The following ADGRA3 variants were observed in gnomAD, a reference collection of about 807,000 sequenced individuals.
The protein encoded by ADGRA3 is G-protein coupled receptor 125.
In ADGRA3, 56 loss-of-function variants were observed where a neutral mutation model predicts 119.8. The ratio of observed to expected loss-of-function variants is 0.47; its 90% CI spans 0.38 to 0.58. The LOEUF (loss-of-function observed/expected upper bound fraction) is 0.58, where lower values mean the gene tolerates loss of function less well. Ranked by LOEUF, ADGRA3 falls within the 20% of genes least tolerant of loss-of-function variation. ADGRA3 has a pLI of 0.00. For synonymous variants in ADGRA3, 607 were observed against 623.8 expected, an observed-to-expected ratio of 0.97 and a Z score of 0.40; for missense variants, 1,516 against 1,649.0, an observed-to-expected ratio of 0.92 and a Z score of 1.40.
rs1715315434 is a variant in ADGRA3, at chr4:22,413,730, A to G, written c.1894T>C (p.Ser632Pro). The G allele has an allele frequency of 1.2e-6, 2 of 1,613,944 alleles. No individual in the cohort carries two copies. Among genetic ancestry groups the G allele is most frequent in the African/African-American group, 1.3e-5 (1 of 75,048 alleles). ...GCAATGAGTTGAAGCTTGTAAAGAGAGTCATCAGTTGGTCTGAGTTCTCTT... is the reference window on the plus strand; with the variant it reads ...GCAATGAGTTGAAGCTTGTAAAGAGGGTCATCAGTTGGTCTGAGTTCTCTT... ...QKRELRPTDD[S>P]LYKLQLIAFR... Residue 632 changes from serine to proline, a missense_variant, in exon 13 of 19, where the codon TCT (serine) becomes CCT (proline). By Grantham distance (74) the Ser-to-Pro change is moderately conservative. Around this residue, in one of 2 missense-constraint regions of ADGRA3, gnomAD observed 1,088 missense variants for 1,107.1 expected, o/e 0.98. Coordinates refer to ENST00000334304, the MANE Select transcript of ADGRA3 (RefSeq NM_145290.4).
At chr4:22,501,311 T>C (rs548443077) in intron 1 of ADGRA3, among the ~76,000 whole-genome samples, 11 of 148,898 alleles carry the variant, frequency 7.4e-5, no homozygotes, top group African/African-American at 2.7e-4. Flanking sequence ...AGACAAGTGT[T>C]TTCTGAAATC....
At chr4:22,468,240 G>A (rs1290786318) in intron 2 of ADGRA3, among the ~76,000 whole-genome samples, 1 of 152,160 alleles carries the variant, frequency 6.6e-6, no homozygotes, top group Non-Finnish European at 1.5e-5. Context: ...AAACCCCACA[G>A]CAGGCTGCTC....
chr4:22,476,256 A>G (rs963888366), intron 1 of ADGRA3, among the ~76,000 whole-genome samples: 2 of 152,132 alleles, frequency 1.3e-5, no homozygotes, highest in African/African-American at 4.8e-5. Context: ...CCGGCAGAGC[A>G]TACCAAGAGC....
intron 17 of ADGRA3, 137 bp from the exon 18 acceptor site, chr4:22,389,320 A>C (rs1283786716): frequency 1.5e-6 from 1 of 667,104 alleles, no homozygotes; most frequent in Non-Finnish European, 2.6e-6. Context: ...CTGAGAGTTA[A>C]GTTGGGAGGC....
chr4:22,420,180 T>C (rs897982465), intron 12 of ADGRA3: 12 of 152,312 alleles, frequency 7.9e-5, no homozygotes, highest in African/African-American at 2.9e-4. Context: ...AATAAAGTAC[T>C]GTGAGATTAA....
chr4:22,388,017 C>T lies in ADGRA3; in HGVS notation c.3654G>A (p.Ser1218=), dbSNP rs865846039. Residue 1218 remains serine (S), a synonymous_variant, in exon 19 of 19, where the codon TCG becomes TCA. Transcript: ENST00000334304. ...AGGCTAAATAAGCTCTTCGGCTCCT[C>T]GAGTGTCCTTCGTTATTGCCCAGCC... The part of the protein sequence containing the change: ...KSRLGNNEGH[S]RSRRAYLAYR... 5 of 1,614,114 alleles carry T rather than the reference C, an allele frequency of 3.1e-6. No individual in the cohort carries two copies. Among genetic ancestry groups the T allele is most frequent in the African/African-American group, 1.3e-5 (1 of 75,042 alleles).
intron 1 of ADGRA3, among the ~76,000 whole-genome samples, chr4:22,505,464 T>C (rs753506649): frequency 2.6e-5 from 4 of 151,872 alleles, no homozygotes; most frequent in Non-Finnish European, 5.9e-5. Flanking sequence ...CTGGCCAAGA[T>C]GATGAAACCA....
In ADGRA3 at chr4:22,406,568, A is replaced by AT. The variant is rs1179953021; in HGVS notation, c.2233-3770dup. ...TTTCCTGATGACTAGTGATTGTGAGATTTTTTCATACACCTGTTGGTCATT... is the reference window on the plus strand; with the variant it reads ...TTTCCTGATGACTAGTGATTGTGAGATTTTTTTCATACACCTGTTGGTCATT... On this transcript the variant is annotated intron_variant, in intron 14 of 18. Transcript: ENST00000334304. 8.6e-4 allele frequency among the ~76,000 whole-genome samples: 131 copies of AT among 151,888 alleles called. 1 individual carries two copies. Among genetic ancestry groups the AT allele is most frequent in the African/African-American group, 2.6e-3 (107 of 41,382 alleles).
intron 10 of ADGRA3, among the ~76,000 whole-genome samples, chr4:22,429,571 C>G (rs1716077752): frequency 6.6e-6 from 1 of 152,088 alleles, no homozygotes; most frequent in African/African-American, 2.4e-5. Flanking sequence ...TCAGGCCTAG[C>G]CAGCAATCAC....
intron 10 of ADGRA3, among the ~76,000 whole-genome samples, chr4:22,432,712 C>A (rs565645924): frequency 2.1e-4 from 32 of 152,202 alleles, no homozygotes; most frequent in African/African-American, 7.2e-4. Flanking sequence ...GACAAGACAA[C>A]CTTTAACTGT....
At chr4:22,434,931 C>T (rs1309992239) in intron 10 of ADGRA3, among the ~76,000 whole-genome samples, 1 of 152,192 alleles carries the variant, frequency 6.6e-6, no homozygotes, top group East Asian at 1.9e-4. Context: ...ACTACAAGAT[C>T]TGGGTGACTA....
rs1157572505 is a variant in ADGRA3 at position 22,515,734 on chromosome 4, C to T, written c.51G>A (p.Leu17=). The T allele has an allele frequency of 1.9e-6, 2 of 1,045,778 alleles. No individual in the cohort carries two copies. The highest frequency in any genetic ancestry group is 4.1e-5 in the South Asian group (1 of 24,318). 64.8% of individuals were successfully genotyped at this position (1,045,778 alleles called of 1,614,324 possible). Residue 17 remains leucine, a synonymous_variant, in exon 1 of 19, where the codon CTG becomes CTA. Coordinates refer to ENST00000334304, the MANE Select transcript of ADGRA3 (RefSeq NM_145290.4). The part of the protein sequence containing the change: ...RRGRAQPPLL[L]PLSLLALLAL... ...CGAGCAGCGCTAACAGCGAGAGCGG[C>T]AGCAACAGCGGCGGCTGCGCGCGGC...
At chr4:22,457,579 C>T (rs1198541650) in intron 3 of ADGRA3, among the ~76,000 whole-genome samples, 1 of 152,174 alleles carries the variant, frequency 6.6e-6, no homozygotes, top group Non-Finnish European at 1.5e-5. Flanking sequence ...AGCAAGAACA[C>T]AAGAGACTAC....
chr4:22,490,411 T>C (rs934478686), intron 1 of ADGRA3, among the ~76,000 whole-genome samples: 2 of 152,198 alleles, frequency 1.3e-5, no homozygotes, highest in African/African-American at 4.8e-5. Flanking sequence ...TTTAATCTAA[T>C]TGAAAGCTTT....
chr4:22,398,455 C>T (rs1021238307), intron 16 of ADGRA3, among the ~76,000 whole-genome samples: 2 of 152,050 alleles, frequency 1.3e-5, no homozygotes, highest in Non-Finnish European at 2.9e-5. Flanking sequence ...CAAGGTAGGA[C>T]CTTGTCAATA....
At chr4:22,392,022 C>T (rs1342881876) in intron 17 of ADGRA3, among the ~76,000 whole-genome samples, 1 of 152,188 alleles carries the variant, frequency 6.6e-6, no homozygotes, top group Non-Finnish European at 1.5e-5. Context: ...TCTGTAAATC[C>T]CTGGCCCAGG....
In ADGRA3 at chr4:22,415,095, G is replaced by A. The variant is rs181253706; in HGVS notation, c.1810-1281C>T. On this transcript the variant is annotated intron_variant, in intron 12 of 18. Coordinates refer to ENST00000334304, the MANE Select transcript of ADGRA3 (RefSeq NM_145290.4). ...CACACTTGCAGTCCCCCATGATGTA[G>A]CTCACTGTCTGCTCCTCAAGCCAGA... Among the ~76,000 whole-genome samples, 217 of 152,188 alleles carry A rather than the reference G, an allele frequency of 1.4e-3. 1 individual carries two copies. The highest frequency in any genetic ancestry group is 5.0e-3 in the African/African-American group (208 of 41,516).
At chr4:22,480,483 G>T (rs868545526) in intron 1 of ADGRA3, among the ~76,000 whole-genome samples, 3 of 151,928 alleles carry the variant, frequency 2.0e-5, no homozygotes, top group Non-Finnish European at 2.9e-5. Context: ...ATATCAGCGT[G>T]GGTGATATAC....
In ADGRA3 at chr4:22,475,836, T is replaced by C. The variant is rs1413316279; in HGVS notation, c.258-1993A>G. Among the ~76,000 whole-genome samples the C allele has an allele frequency of 2.0e-5, 3 of 152,114 alleles. No individual in the cohort carries two copies. In the East Asian group the frequency reaches 5.8e-4, roughly 29 times the overall value. On this transcript the variant is annotated intron_variant, in intron 1 of 18. Coordinates refer to ENST00000334304, the MANE Select transcript of ADGRA3 (RefSeq NM_145290.4). ...ACACACTGGGTGCAGTGTATACTGC[T>C]CGGGTGATGGGTGCACCAAAATATC... is the stretch of plus-strand genomic sequence containing the variant.
Sources: allele counts gnomAD v4.1 joint callset (sites outside exome capture counted in the v4.1 genomes callset), GRCh38; gene constraint gnomAD v4.1.1; regional missense constraint gnomAD v4.1.1; transcripts MANE v1.5; gene names NCBI Gene and HGNC (gene_info 2026-07-23, HGNC 2026-07-21).